The following PRKAR2B variants were observed in gnomAD, a reference collection of about 807,000 sequenced individuals.
PRKAR2B encodes protein kinase cAMP-dependent type II regulatory subunit beta.
A neutral mutation model predicts 49.9 loss-of-function variants in PRKAR2B; 14 were observed. That is an observed-to-expected ratio of 0.28 (90% CI 0.19 to 0.44). The LOEUF is 0.44. Ranked by LOEUF, PRKAR2B falls within the 20% of genes least tolerant of loss-of-function variation. PRKAR2B has a pLI of 1.00. For missense variants in PRKAR2B, 393 were observed against 537.9 expected (o/e 0.73, Z 2.67); for synonymous variants, 196 against 197.7 (o/e 0.99, Z 0.07).
At chr7:107,072,803 A>C (rs1238166487) in intron 2 of PRKAR2B, among the ~76,000 whole-genome samples, 1 of 152,174 alleles carries the variant, frequency 6.6e-6, no homozygotes, top group Non-Finnish European at 1.5e-5. Flanking sequence ...AAGATTTCTT[A>C]TGATACCTTT....
At position 107,161,391 on chromosome 7, in the gene PRKAR2B, C is replaced by A. The variant is rs946304608; in HGVS notation, c.*1809C>A. On this transcript the variant is annotated 3_prime_UTR_variant, in exon 11 of 11. Coordinates refer to ENST00000265717, the MANE Select transcript of PRKAR2B (RefSeq NM_002736.3). Reference sequence around the variant, plus strand: ...TGTTAACTATTCATGGAACAGCAAACGCCTGTTTAATAAAGAACTTTGACC... The same window carrying A: ...TGTTAACTATTCATGGAACAGCAAAAGCCTGTTTAATAAAGAACTTTGACC... The A allele has an allele frequency of 6.6e-6, 1 of 152,570 alleles. No individual in the cohort carries two copies. Among genetic ancestry groups the A allele is most frequent in the Non-Finnish European group, 1.5e-5 (1 of 68,026 alleles). The allele number at this position is 152,570 out of a possible 1,614,324, so 9.5% of individuals were successfully genotyped here. A position where few individuals can be genotyped will look rare whatever the true frequency, so the allele number is the denominator to read the frequency against.
intron 2 of PRKAR2B, among the ~76,000 whole-genome samples, chr7:107,092,270 CG>C (rs1562853827): frequency 9.0e-6 from 1 of 110,742 alleles, no homozygotes; most frequent in Non-Finnish European, 2.1e-5. Context: ...TGTGTGTGTG[CG>C]TGTGTCTGTG....
intron 1 of PRKAR2B, among the ~76,000 whole-genome samples, chr7:107,048,144 C>T (rs573968641): frequency 8.5e-5 from 13 of 152,330 alleles, no homozygotes; most frequent in African/African-American, 2.4e-4. Context: ...CTTGACTGCC[C>T]GATTCTATCT....
intron 2 of PRKAR2B, among the ~76,000 whole-genome samples, chr7:107,094,422 G>A (rs567829125): frequency 1.5e-4 from 23 of 152,156 alleles, no homozygotes; most frequent in Non-Finnish European, 2.8e-4. Context: ...TTGTCAGATG[G>A]GTAGGTTATA....
intron 1 of PRKAR2B, among the ~76,000 whole-genome samples, chr7:107,058,430 T>G (rs1398079529): frequency 6.6e-6 from 1 of 152,196 alleles, no homozygotes; most frequent in South Asian, 2.1e-4. Context: ...CATCTCCAAG[T>G]CTTACATTAG....
chr7:107,094,102 A>G (rs1794789603), intron 2 of PRKAR2B, among the ~76,000 whole-genome samples: 1 of 152,192 alleles, frequency 6.6e-6, no homozygotes, highest in Admixed American at 6.5e-5. Context: ...CTTCCACAAC[A>G]GTTGAACTAG....
intron 2 of PRKAR2B, among the ~76,000 whole-genome samples, chr7:107,088,034 A>C (rs1463893900): frequency 6.6e-6 from 1 of 152,172 alleles, no homozygotes; most frequent in African/African-American, 2.4e-5. Flanking sequence ...TATACTAAAC[A>C]TTCATTGATT....
chr7:107,097,878 C>A (rs999261996), intron 2 of PRKAR2B, among the ~76,000 whole-genome samples: 40 of 152,296 alleles, frequency 2.6e-4, no homozygotes, highest in Middle Eastern at 6.8e-3. Context: ...CCGAGAGATC[C>A]ACTGTTAGTC....
At chr7:107,083,924 A>G (rs1223014945) in intron 2 of PRKAR2B, among the ~76,000 whole-genome samples, 2 of 152,144 alleles carry the variant, frequency 1.3e-5, no homozygotes, top group African/African-American at 4.8e-5. Context: ...CCTAGTTTTT[A>G]GCTATTTTAT....
intron 8 of PRKAR2B, among the ~76,000 whole-genome samples, chr7:107,156,669 G>A (rs1161875754): frequency 6.6e-6 from 1 of 152,062 alleles, no homozygotes; most frequent in East Asian, 1.9e-4. Context: ...AGCCGGGCGT[G>A]GTGGCAGACG....
intron 2 of PRKAR2B, among the ~76,000 whole-genome samples, chr7:107,088,990 A>C (rs1254953614): frequency 6.6e-6 from 1 of 151,996 alleles, no homozygotes. Context: ...GCAACATGGT[A>C]AAACCCCGTC....
intron 7 of PRKAR2B, among the ~76,000 whole-genome samples, chr7:107,152,062 T>A (rs961123129): frequency 6.6e-6 from 1 of 152,132 alleles, no homozygotes; most frequent in African/African-American, 2.4e-5. Context: ...CTACTCCTTT[T>A]CTCTTTCCCC....
At chr7:107,130,557 A>G (rs1318541982) in intron 4 of PRKAR2B, among the ~76,000 whole-genome samples, 1 of 152,152 alleles carries the variant, frequency 6.6e-6, no homozygotes, top group Non-Finnish European at 1.5e-5. Flanking sequence ...CAAACCCTTG[A>G]ACATAGTTAC....
intron 2 of PRKAR2B, among the ~76,000 whole-genome samples, chr7:107,075,057 C>T (rs1794370954): frequency 1.3e-5 from 2 of 150,978 alleles, no homozygotes; most frequent in African/African-American, 4.9e-5. Flanking sequence ...ATCTTAATAG[C>T]TATATTCAAG....
intron 1 of PRKAR2B, among the ~76,000 whole-genome samples, chr7:107,048,224 G>A (rs984940457): frequency 1.3e-5 from 2 of 152,098 alleles, no homozygotes; most frequent in African/African-American, 2.4e-5. Flanking sequence ...GACCCTTAAT[G>A]TGTTTTATTG....
intron 2 of PRKAR2B, among the ~76,000 whole-genome samples, chr7:107,095,364 G>C (rs377608327): frequency 1.6e-4 from 24 of 152,236 alleles, no homozygotes; most frequent in Admixed American, 1.1e-3. Flanking sequence ...TATCCTGAGA[G>C]TTTGCTGAAG....
chr7:107,096,761 A>T (rs1484420048), intron 2 of PRKAR2B, among the ~76,000 whole-genome samples: 3 of 152,004 alleles, frequency 2.0e-5, no homozygotes, highest in Non-Finnish European at 2.9e-5. Flanking sequence ...CCATTTCGTT[A>T]TGTGTACCCA....
chr7:107,099,025 C>A (rs991038611), intron 2 of PRKAR2B, among the ~76,000 whole-genome samples: 1 of 152,164 alleles, frequency 6.6e-6, no homozygotes, highest in Non-Finnish European at 1.5e-5. Flanking sequence ...GCCCAGAGAA[C>A]CACTACTCTC....
intron 7 of PRKAR2B, 57 bp downstream of exon 7, chr7:107,151,080 G>A: frequency 9.8e-7 from 1 of 1,021,142 alleles, no homozygotes; most frequent in Non-Finnish European, 1.4e-6. Context: ...TGTTTTGCTA[G>A]GAATATTTAG....
Sources: allele counts gnomAD v4.1 joint callset (sites outside exome capture counted in the v4.1 genomes callset), GRCh38; gene constraint gnomAD v4.1.1; transcripts MANE v1.5; gene names NCBI Gene and HGNC (gene_info 2026-07-23, HGNC 2026-07-21).